PXYLP1: variants seen among roughly 807,000 people sequenced by gnomAD.
PXYLP1 encodes the protein acid phosphatase-like 2.
Under a neutral mutation model 37.9 loss-of-function variants are expected in PXYLP1, and 17 were observed. The observed-to-expected ratio is 0.45, with a 90% confidence interval of 0.31 to 0.67. PXYLP1 has a LOEUF of 0.67. PXYLP1 is among the 30% of genes least tolerant of loss of function. The pLI, the probability that PXYLP1 is intolerant of heterozygous loss-of-function variation, is 0.07. For synonymous variants in PXYLP1, 221 were observed against 232.2 expected, an observed-to-expected ratio of 0.95 and a Z score of 0.44; for missense variants, 511 against 612.0, an observed-to-expected ratio of 0.84 and a Z score of 1.74.
chr3:141,274,391 C>T, intron 2 of PXYLP1: 1 of 1,443,956 alleles, frequency 6.9e-7, no homozygotes, highest in Non-Finnish European at 9.1e-7. Flanking sequence ...GCTTGCTGAC[C>T]CCCATCTGCC....
chr3:141,250,121 T>A (rs1323467675), intron 1 of PXYLP1, among the ~76,000 whole-genome samples: 1 of 152,238 alleles, frequency 6.6e-6, no homozygotes. Flanking sequence ...ATGCTGCATA[T>A]TTTAAAAACA....
Position 141,246,166 on chromosome 3 carries a change from G to A in PXYLP1, c.-53-13957G>A, listed in dbSNP as rs557954842. ...GCAGTTAGAGGTCAATTCCAGCTTA[G>A]TATTAAAAGAGAGCTCTCTAAGAAT... On this transcript the variant is annotated intron_variant, in intron 1 of 5. Transcript: ENST00000286353. 7.2e-5 allele frequency among the ~76,000 whole-genome samples: 11 copies of A among 152,280 alleles called. No individual in the cohort carries two copies. The South Asian group carries it at 2.3e-3, about 32-fold the overall frequency.
At chr3:141,253,536 C>T (rs755325572) in intron 1 of PXYLP1, among the ~76,000 whole-genome samples, 14 of 152,158 alleles carry the variant, frequency 9.2e-5, no homozygotes, top group African/African-American at 3.4e-4. Context: ...TCTGGCATTG[C>T]CACTTCAGAA....
chr3:141,285,525 A>C lies in PXYLP1; in HGVS notation c.366-1789A>C, dbSNP rs1370855241. Among the ~76,000 whole-genome samples, 8 of 147,266 alleles carry C rather than the reference A, an allele frequency of 5.4e-5. No homozygotes were observed. The South Asian group carries it at 6.5e-4, about 12-fold the overall frequency. On this transcript the variant is annotated intron_variant, in intron 4 of 5. Coordinates refer to ENST00000286353, the MANE Select transcript of PXYLP1 (RefSeq NM_001037172.3). ...AAACAAACAACACAACAACAACAAC[A>C]AAAAAAAACAAAAATAAAAAACATT... is the stretch of plus-strand genomic sequence containing the variant.
chr3:141,287,241 C>T (rs1488578485), intron 4 of PXYLP1, 73 bp from the exon 5 acceptor site: 6 of 1,544,272 alleles, frequency 3.9e-6, no homozygotes, highest in Non-Finnish European at 4.4e-6. Context: ...TGGGATTTGG[C>T]TCGCTGAAGC....
chr3:141,292,496 G>T lies in PXYLP1; in HGVS notation c.734G>T (p.Cys245Phe). 4 of 1,614,212 alleles carry T rather than the reference G, an allele frequency of 2.5e-6. No homozygotes were observed. Among genetic ancestry groups the T allele is most frequent in the East Asian group, 2.2e-5 (1 of 44,886 alleles). The change falls in exon 6 of 6, where the codon TGC (cysteine) becomes TTC (phenylalanine). Residue 245 changes from cysteine to phenylalanine, a missense_variant. Coordinates refer to ENST00000286353, the MANE Select transcript of PXYLP1 (RefSeq NM_001037172.3). This position sits in a 1 kb window ranked among gnomAD's most constrained non-coding sequence, Gnocchi z 4.3. ...QPSALFCSGS[C>F]YCPVRNQYLE... ...AGTGCGCTGTTCTGCTCTGGAAGCT[G>T]CTATTGCCCGGTAAGAAACCAGTAT... is the stretch of plus-strand genomic sequence containing the variant.
At chr3:141,256,073 T>C (rs144039631) in intron 1 of PXYLP1, among the ~76,000 whole-genome samples, 2 of 152,182 alleles carry the variant, frequency 1.3e-5, no homozygotes, top group Non-Finnish European at 2.9e-5. Context: ...GTGGCCAGGA[T>C]TTGAAAGCAG....
Position 141,292,122 on chromosome 3 carries a change from C to T in PXYLP1, c.506-146C>T. 1.1e-5 allele frequency: 8 copies of T among 755,620 alleles called. No individual in the cohort carries two copies. In the East Asian group the frequency reaches 1.8e-4, roughly 17 times the overall value. The allele number at this position is 755,620 out of a possible 1,614,324, so 46.8% of individuals were successfully genotyped here. ...CTTCACAAGCTGTTGTGAACTCGAG[C>T]TTGTAACTTCCACACCATGGGGAAA... On this transcript the variant is annotated intron_variant, in intron 5 of 5. Coordinates refer to ENST00000286353, the MANE Select transcript of PXYLP1 (RefSeq NM_001037172.3). The surrounding 1 kb of genome is among the most constrained non-coding windows in gnomAD (Gnocchi z 4.3).
chr3:141,270,771 A>T (rs1941642519), intron 2 of PXYLP1, among the ~76,000 whole-genome samples: 1 of 152,174 alleles, frequency 6.6e-6, no homozygotes, highest in African/African-American at 2.4e-5. Context: ...GCTTTTGTGA[A>T]GGGGTGGACG....
chr3:141,252,734 G>A (rs562518686), intron 1 of PXYLP1, among the ~76,000 whole-genome samples: 6 of 152,262 alleles, frequency 3.9e-5, no homozygotes, highest in East Asian at 3.9e-4. Context: ...GCCAAGAGGC[G>A]GGTGTTACCA....
intron 1 of PXYLP1, among the ~76,000 whole-genome samples, chr3:141,253,586 T>G (rs1174170809): frequency 6.6e-6 from 1 of 152,006 alleles, no homozygotes; most frequent in Non-Finnish European, 1.5e-5. Flanking sequence ...CAGTCTTCTT[T>G]CCTCCTGACA....
At chr3:141,285,757 C>T (rs1054557771) in intron 4 of PXYLP1, among the ~76,000 whole-genome samples, 8 of 152,172 alleles carry the variant, frequency 5.3e-5, no homozygotes, top group African/African-American at 1.9e-4. Flanking sequence ...ATGTGGATTA[C>T]TCTTGGCAGC....
At chr3:141,275,887 AAATAC>A (rs1941782325) in intron 2 of PXYLP1, among the ~76,000 whole-genome samples, 1 of 152,260 alleles carries the variant, frequency 6.6e-6, no homozygotes, top group African/African-American at 2.4e-5. Flanking sequence ...TGCTTACTAT[AAATAC>A]ATATGCAGTC....
chr3:141,266,787 C>T (rs778018192), intron 2 of PXYLP1, among the ~76,000 whole-genome samples: 1 of 152,058 alleles, frequency 6.6e-6, no homozygotes, highest in Admixed American at 6.5e-5. Context: ...GCAGAGCTAT[C>T]GTGTTTCCTG....
intron 2 of PXYLP1, among the ~76,000 whole-genome samples, chr3:141,275,046 C>A (rs916517722): frequency 6.6e-6 from 1 of 152,164 alleles, no homozygotes; most frequent in African/African-American, 2.4e-5. Context: ...GTGTCAGGAC[C>A]TGTTTTGAAT....
At chr3:141,257,923 AAAAGAGAG>A (rs1268304945) in intron 1 of PXYLP1, among the ~76,000 whole-genome samples, 206 of 141,726 alleles carry the variant, frequency 1.5e-3, no homozygotes, top group African/African-American at 6.0e-3. Flanking sequence ...AAAAAAAAAA[AAAAGAGAG>A]AGAGAGAGAA....
chr3:141,238,314 G>A (rs568616389), intron 1 of PXYLP1, among the ~76,000 whole-genome samples: 10 of 152,322 alleles, frequency 6.6e-5, no homozygotes, highest in African/African-American at 2.4e-4. Context: ...TGCTCTGTGC[G>A]TCCTACAGAG....
rs751121714 is a variant in PXYLP1 at position 141,292,662 on chromosome 3, C to T, written c.900C>T (p.Cys300=). The part of the protein sequence containing the change: ...RAANPIDSML[C]HFCHNVSFPC... ...CCAACCCCATAGACTCCATGCTCTG[C>T]CACTTCTGCCACAATGTCAGCTTTC... Residue 300 remains cysteine, a synonymous_variant, in exon 6 of 6, where the codon TGC becomes TGT. Transcript: ENST00000286353. This position sits in a 1 kb window ranked among gnomAD's most constrained non-coding sequence, Gnocchi z 4.3. The T allele has an allele frequency of 6.2e-7, 1 of 1,613,196 alleles. No homozygotes were observed. The highest frequency in any genetic ancestry group is 2.2e-5 in the East Asian group (1 of 44,890).
At chr3:141,243,697 ACT>A (rs1249031077) in intron 1 of PXYLP1, among the ~76,000 whole-genome samples, 1 of 151,946 alleles carries the variant, frequency 6.6e-6, no homozygotes, top group Non-Finnish European at 1.5e-5. Flanking sequence ...TGTTCTTGGA[ACT>A]CTGGGTTCGG....
Sources: gnomAD v4.1 joint callset for allele counts (sites outside exome capture counted in the v4.1 genomes callset) on GRCh38, gnomAD v4.1.1 for gene constraint, Gnocchi (gnomAD v3.1) non-coding constraint, MANE v1.5 for transcripts, NCBI Gene and HGNC (gene_info 2026-07-23, HGNC 2026-07-21) for gene names.